The following SMAP2 variants were observed in gnomAD, a reference collection of about 807,000 sequenced individuals.
SMAP2 encodes the protein small ArfGAP2, also known as stromal membrane-associated protein 2.
SMAP2 carries 25 observed loss-of-function variants against 56.4 expected under a neutral mutation model. The ratio of observed to expected loss-of-function variants is 0.44; its 90% CI spans 0.32 to 0.62. The LOEUF (loss-of-function observed/expected upper bound fraction) is 0.62. SMAP2 is among the 20% of genes least tolerant of loss of function. SMAP2 has a pLI of 0.04. For synonymous variants in SMAP2, 157 were observed against 181.7 expected, an observed-to-expected ratio of 0.86 and a Z score of 1.09; for missense variants, 388 against 545.6, an observed-to-expected ratio of 0.71 and a Z score of 2.88.
Position 40,416,889 on chromosome 1 carries a change from C to T in SMAP2, c.957C>T (p.Gly319=). 2 of 1,614,240 alleles carry T rather than the reference C, an allele frequency of 1.2e-6. No individual in the cohort carries two copies. Among genetic ancestry groups the T allele is most frequent in the Non-Finnish European group, 1.7e-6 (2 of 1,180,042 alleles). Residue 319 remains glycine (G), a synonymous_variant, in exon 9 of 10, where the codon GGC becomes GGT. Coordinates refer to ENST00000372718, the MANE Select transcript of SMAP2 (RefSeq NM_022733.3). ...GGAGCATGATGCCTCCACCAGTAGG[C>T]ATGGTTGCTCAGCCAGGAGCTTCTG... ...IMGSMMPPPV[G]MVAQPGASGM... is the part of the protein sequence containing the mutation.
rs1569834830 is a variant in SMAP2, at chr1:40,373,809, T to G, written c.-312T>G. On this transcript the variant is annotated 5_prime_UTR_variant, in exon 1 of 10. Coordinates refer to ENST00000372718, the MANE Select transcript of SMAP2 (RefSeq NM_022733.3). ...GCCAGCAGACAGGCCGGCCAGAGGG[T>G]CATCTGCGTCCGGCACCCAGGAGGC... 1 of 238,334 alleles carries G rather than the reference T, an allele frequency of 4.2e-6. No individual in the cohort carries two copies. Among genetic ancestry groups the G allele is most frequent in the Non-Finnish European group, 8.2e-6 (1 of 121,462 alleles). The allele number at this position is 238,334 out of a possible 1,614,324, so 14.8% of individuals were successfully genotyped here. A position where few individuals can be genotyped will look rare whatever the true frequency, so the allele number is the denominator to read the frequency against.
At chr1:40,360,139 T>A (rs1304240085) in intron 1 of SMAP2, among the ~76,000 whole-genome samples, 1 of 147,282 alleles carries the variant, frequency 6.8e-6, no homozygotes, top group East Asian at 2.0e-4. Context: ...CCTGAGTAGC[T>A]GGGACTACAG....
intron 4 of SMAP2, 96 bp downstream of exon 4, chr1:40,409,931 C>T (rs577062213): frequency 3.6e-6 from 3 of 824,260 alleles, no homozygotes; most frequent in Non-Finnish European, 6.1e-6. Flanking sequence ...CAAAACACTC[C>T]AAAACCATCT....
chr1:40,401,167 G>A (rs1265910513), intron 1 of SMAP2, among the ~76,000 whole-genome samples: 1 of 152,188 alleles, frequency 6.6e-6, no homozygotes, highest in Non-Finnish European at 1.5e-5. Flanking sequence ...GGAGGCTGAG[G>A]CAGGAGAATG....
Position 40,414,079 on chromosome 1 carries a change from C to T in SMAP2, c.490-80C>T, listed in dbSNP as rs1489996523. On this transcript the variant is annotated intron_variant, in intron 5 of 9. Coordinates refer to ENST00000372718, the MANE Select transcript of SMAP2 (RefSeq NM_022733.3). ...ATAACAGCAGCCCTACCCACAAGAA[C>T]ACCGTGGCTTTACAGTGGAGATGGG... 11 of 1,256,454 alleles carry T rather than the reference C, an allele frequency of 8.8e-6. No homozygotes were observed. In the South Asian group the frequency reaches 1.4e-4, roughly 16 times the overall value. The allele number at this position is 1,256,454 out of a possible 1,614,324, so 77.8% of individuals were successfully genotyped here. A position where few individuals can be genotyped will look rare whatever the true frequency, so the allele number is the denominator to read the frequency against.
In SMAP2 at chr1:40,423,196, A is replaced by C. The variant is rs1411158837; in HGVS notation, c.*1095A>C. ...GGCCGGGACAGCTTTCCTCTCAGTC[A>C]TTGTTCACCCCACTTGAAAATTCAG... On this transcript the variant is annotated 3_prime_UTR_variant, in exon 10 of 10. Transcript: ENST00000372718. 1 of 152,642 alleles carries C rather than the reference A, an allele frequency of 6.6e-6. No individual in the cohort carries two copies. The highest frequency in any genetic ancestry group is 2.4e-5 in the African/African-American group (1 of 41,440). The allele number at this position is 152,642 out of a possible 1,614,324, so 9.5% of individuals were successfully genotyped here.
Position 40,409,827 on chromosome 1 carries a change from G to T in SMAP2, c.394G>T (p.Ala132Ser), listed in dbSNP as rs1391922329. 6.2e-7 allele frequency: 1 copy of T among 1,607,280 alleles called. No individual in the cohort carries two copies. Residue 132 changes from alanine (A) to serine (S), a missense_variant, in exon 4 of 10, where the codon GCC (alanine) becomes TCC (serine). Coordinates refer to ENST00000372718, the MANE Select transcript of SMAP2 (RefSeq NM_022733.3). Reference sequence around the variant, plus strand: ...CATGGACCGAAGTCTGGACATCAATGCCTTTAGGGTTGGTTATACATCTTT... The same window carrying T: ...CATGGACCGAAGTCTGGACATCAATTCCTTTAGGGTTGGTTATACATCTTT... ...KYMDRSLDIN[A>S]FRKEKDDKWK...
At chr1:40,365,560 C>T (rs959775966) in intron 2 of SMAP2, among the ~76,000 whole-genome samples, 5 of 152,180 alleles carry the variant, frequency 3.3e-5, no homozygotes, top group Non-Finnish European at 7.3e-5. Context: ...ATAGGAACAG[C>T]TCCGGTCTAC....
chr1:40,398,368 A>G (rs1644794394), intron 1 of SMAP2, among the ~76,000 whole-genome samples: 1 of 152,016 alleles, frequency 6.6e-6, no homozygotes, highest in Non-Finnish European at 1.5e-5. Flanking sequence ...AGCTAGGACT[A>G]CAGAGGCATA....
At chr1:40,398,600 C>T (rs138200366) in intron 1 of SMAP2, among the ~76,000 whole-genome samples, 39 of 152,206 alleles carry the variant, frequency 2.6e-4, no homozygotes, top group South Asian at 4.1e-4. Context: ...ACATTCTTAA[C>T]GTATTTCTTT....
At chr1:40,419,425 C>T (rs1162767387) in intron 9 of SMAP2, among the ~76,000 whole-genome samples, 1 of 151,846 alleles carries the variant, frequency 6.6e-6, no homozygotes, top group Non-Finnish European at 1.5e-5. Context: ...GGATTACAGG[C>T]ACCCGCCACC....
intron 8 of SMAP2, 60 bp downstream of exon 8, chr1:40,416,401 G>T (rs775774937): frequency 1.9e-6 from 3 of 1,552,294 alleles, no homozygotes; most frequent in South Asian, 2.4e-5. Context: ...TTCCATGCAG[G>T]AATTATTTAT....
chr1:40,402,715 C>T (rs887424084), intron 1 of SMAP2, among the ~76,000 whole-genome samples: 13 of 152,246 alleles, frequency 8.5e-5, no homozygotes, highest in Non-Finnish European at 1.6e-4. Context: ...TTCCTCCATC[C>T]GCCTACCCTT....
chr1:40,393,203 G>T (rs1456871904), intron 1 of SMAP2: 2 of 730,266 alleles, frequency 2.7e-6, no homozygotes, highest in Admixed American at 3.8e-5. Context: ...GCACATGCCT[G>T]TAGTCCCAGC....
intron 1 of SMAP2, among the ~76,000 whole-genome samples, chr1:40,346,667 A>G (rs1183915472): frequency 6.6e-6 from 1 of 151,812 alleles, no homozygotes; most frequent in African/African-American, 2.4e-5. Context: ...ACTGCACATA[A>G]CCAAAAGTGT....
intron 1 of SMAP2, among the ~76,000 whole-genome samples, chr1:40,398,061 A>G (rs1246333653): frequency 6.6e-6 from 1 of 152,178 alleles, no homozygotes; most frequent in Non-Finnish European, 1.5e-5. Context: ...TGTTTTTACG[A>G]TATCTGTACT....
chr1:40,356,085 G>C (rs963747353), intron 1 of SMAP2, among the ~76,000 whole-genome samples: 3 of 152,270 alleles, frequency 2.0e-5, no homozygotes, highest in African/African-American at 4.8e-5. Context: ...AACATGTGAA[G>C]TTTGTCTTTC....
chr1:40,410,162 C>T (rs41268057), intron 4 of SMAP2, among the ~76,000 whole-genome samples: 2,929 of 152,126 alleles, frequency 0.019, 25 homozygotes, highest in African/African-American at 0.026. Flanking sequence ...CGGAGGATTA[C>T]GTGAGCCAGG....
chr1:40,376,251 C>T (rs1214928842), intron 1 of SMAP2, among the ~76,000 whole-genome samples: 5 of 152,012 alleles, frequency 3.3e-5, no homozygotes, highest in East Asian at 3.9e-4. Context: ...ATGCCCAGCC[C>T]GAAATTTCCG....
Sources: gnomAD v4.1 joint callset for allele counts (sites outside exome capture counted in the v4.1 genomes callset) on GRCh38, gnomAD v4.1.1 for gene constraint, MANE v1.5 for transcripts, NCBI Gene and HGNC (gene_info 2026-07-23, HGNC 2026-07-21) for gene names.